Variants in TAFA5 observed in about 807,000 individuals in gnomAD.
The protein encoded by TAFA5 is chemokine-like protein TAFA-5.
A neutral mutation model predicts 15.3 loss-of-function variants in TAFA5; 6 were observed. The observed-to-expected ratio is 0.39, with a 90% CI of 0.21 to 0.77. TAFA5 has a LOEUF of 0.77. TAFA5 is among the 30% of genes least tolerant of loss of function. The pLI, the probability that TAFA5 is intolerant of heterozygous loss-of-function variation, is 0.41. For synonymous variants in TAFA5, 103 were observed against 80.7 expected, an observed-to-expected ratio of 1.28 and a Z score of -1.48; for missense variants, 161 against 193.1, an observed-to-expected ratio of 0.83 and a Z score of 0.98.
rs143614012 is a variant in TAFA5, at chr22:48,508,412, TAAG to T, written c.112+18711_112+18713del. Among the ~76,000 whole-genome samples, 706 of 152,162 alleles carry T rather than the reference TAAG, an allele frequency of 4.6e-3. 3 individuals carry two copies. The highest frequency in any genetic ancestry group is 0.017 in the African/African-American group (688 of 41,522). The stretch of plus-strand genomic sequence containing the variant: ...CTGCAAAGTGTTGGGAGTTTGGAAG[TAAG>T]AAAAGGAACAGGGTGTGCCCAGGTG... On this transcript the variant is annotated intron_variant, in intron 1 of 3. Coordinates refer to ENST00000402357, the MANE Select transcript of TAFA5 (RefSeq NM_001082967.3).
At chr22:48,596,901 C>T (rs1924785055) in intron 1 of TAFA5, among the ~76,000 whole-genome samples, 1 of 152,188 alleles carries the variant, frequency 6.6e-6, no homozygotes, top group African/African-American at 2.4e-5. Context: ...CTTCACCTCC[C>T]AGCTCCACTG....
At chr22:48,567,865 C>T (rs894564534) in intron 1 of TAFA5, among the ~76,000 whole-genome samples, 35 of 152,174 alleles carry the variant, frequency 2.3e-4, no homozygotes, top group African/African-American at 8.4e-4. Context: ...CTGGCTGAGG[C>T]TCAGCCCATG....
At chr22:48,631,448 C>A (rs1019933852) in intron 1 of TAFA5, among the ~76,000 whole-genome samples, 20 of 152,204 alleles carry the variant, frequency 1.3e-4, no homozygotes, top group African/African-American at 4.8e-4. Context: ...CCGGTGCGGC[C>A]CGTGCAGGCG....
intron 1 of TAFA5, among the ~76,000 whole-genome samples, chr22:48,499,593 G>T (rs767735370): frequency 6.6e-6 from 1 of 152,164 alleles, no homozygotes; most frequent in Non-Finnish European, 1.5e-5. Context: ...AGGGCCCTCC[G>T]CAGGGGGGTG....
At chr22:48,585,294 A>G (rs1924304569) in intron 1 of TAFA5, among the ~76,000 whole-genome samples, 1 of 151,388 alleles carries the variant, frequency 6.6e-6, no homozygotes, top group Non-Finnish European at 1.5e-5. Context: ...ACACACACAC[A>G]TAAAATACAC....
At chr22:48,656,697 CTT>C (rs71316950) in intron 2 of TAFA5, among the ~76,000 whole-genome samples, 26 of 83,460 alleles carry the variant, frequency 3.1e-4, no homozygotes, top group East Asian at 1.1e-3. Flanking sequence ...ACCAAAAGTT[CTT>C]TTTTTTTTTT....
chr22:48,637,683 C>T lies in TAFA5; in HGVS notation c.113-8914C>T, dbSNP rs146991978. 8.2e-3 allele frequency among the ~76,000 whole-genome samples: 1,254 copies of T among 152,048 alleles called. 11 individuals are homozygous for T. The highest frequency in any genetic ancestry group is 0.015 in the Non-Finnish European group (1,031 of 67,990). ...GTGTGGTTTGTGTGTTTCGGGTGTG[C>T]GCATCTGTGTGTGCACGTGTGGGGC... On this transcript the variant is annotated intron_variant, in intron 1 of 3. Coordinates refer to ENST00000402357, the MANE Select transcript of TAFA5 (RefSeq NM_001082967.3).
At chr22:48,556,993 G>A (rs1185505394) in intron 1 of TAFA5, among the ~76,000 whole-genome samples, 1 of 152,202 alleles carries the variant, frequency 6.6e-6, no homozygotes, top group African/African-American at 2.4e-5. Flanking sequence ...CCTCCCAAAG[G>A]AGAAGAGGGC....
chr22:48,718,622 C>T (rs1326631112), intron 3 of TAFA5, among the ~76,000 whole-genome samples: 2 of 152,154 alleles, frequency 1.3e-5, no homozygotes, highest in East Asian at 1.9e-4. Context: ...ACAGCCAAGC[C>T]GGGGCCTTGG....
At chr22:48,638,400 ACC>A (rs1926535584) in intron 1 of TAFA5, among the ~76,000 whole-genome samples, 1 of 80,854 alleles carries the variant, frequency 1.2e-5, no homozygotes, top group African/African-American at 4.9e-5. Context: ...CACAGGGGGG[ACC>A]CCGACACTAA....
chr22:48,709,131 G>A (rs957545568), intron 3 of TAFA5, among the ~76,000 whole-genome samples: 2 of 152,178 alleles, frequency 1.3e-5, no homozygotes, highest in African/African-American at 2.4e-5. Flanking sequence ...ACTCAGCCTC[G>A]CTGGCAGCCC....
intron 1 of TAFA5, among the ~76,000 whole-genome samples, chr22:48,633,853 A>G (rs1055874874): frequency 2.0e-5 from 3 of 152,336 alleles, no homozygotes; most frequent in East Asian, 1.9e-4. Context: ...TTGAATGTTC[A>G]TTTATAGTGT....
At chr22:48,600,868 G>A (rs1034815497) in intron 1 of TAFA5, among the ~76,000 whole-genome samples, 3 of 152,108 alleles carry the variant, frequency 2.0e-5, no homozygotes, top group Non-Finnish European at 2.9e-5. Context: ...ATTGACTGTC[G>A]CGGCGAGGCT....
At chr22:48,724,957 G>A (rs1215827948) in intron 3 of TAFA5, among the ~76,000 whole-genome samples, 1 of 152,248 alleles carries the variant, frequency 6.6e-6, no homozygotes, top group African/African-American at 2.4e-5. Flanking sequence ...CTTAGCTAGA[G>A]TAGGAGTAAG....
chr22:48,722,377 T>TA (rs1929595413), intron 3 of TAFA5, among the ~76,000 whole-genome samples: 1 of 152,156 alleles, frequency 6.6e-6, no homozygotes, highest in African/African-American at 2.4e-5. Flanking sequence ...TATGCAGTCA[T>TA]AAAAAAGGAT....
intron 2 of TAFA5, among the ~76,000 whole-genome samples, chr22:48,653,858 C>T (rs567286403): frequency 1.3e-5 from 2 of 151,652 alleles, no homozygotes; most frequent in East Asian, 2.0e-4. Flanking sequence ...ACGGGCACTA[C>T]GTGAGCGTCA....
chr22:48,693,303 T>C (rs1569081917), intron 2 of TAFA5: 1 of 1,607,118 alleles, frequency 6.2e-7, no homozygotes, highest in Non-Finnish European at 8.5e-7. Flanking sequence ...AAATTTGCCC[T>C]AAGAGAGTAA....
At chr22:48,576,738 G>A in intron 1 of TAFA5, among the ~76,000 whole-genome samples, 1 of 151,402 alleles carries the variant, frequency 6.6e-6, no homozygotes, top group Non-Finnish European at 1.5e-5. Flanking sequence ...CCTACCAGGA[G>A]CCCGACCCCC....
chr22:48,712,637 C>T (rs1929286868), intron 3 of TAFA5, among the ~76,000 whole-genome samples: 1 of 152,190 alleles, frequency 6.6e-6, no homozygotes. Context: ...CAGGTGCTGC[C>T]TCTCTGCTGG....
Sources: allele counts gnomAD v4.1 joint callset (sites outside exome capture counted in the v4.1 genomes callset), GRCh38; gene constraint gnomAD v4.1.1; transcripts MANE v1.5; gene names NCBI Gene and HGNC (gene_info 2026-07-23, HGNC 2026-07-21).